Variants in KLHL4 observed in about 807,000 individuals in gnomAD.
The protein encoded by KLHL4 is kelch-like protein 4.
Under a neutral mutation model 45.8 loss-of-function variants are expected in KLHL4, and 17 were observed. That is an observed-to-expected ratio of 0.37 (90% CI 0.25 to 0.56). The LOEUF is 0.56. Ranked by LOEUF, KLHL4 falls within the 20% of genes least tolerant of loss-of-function variation. The probability of loss-of-function intolerance (pLI) is 0.79; values close to 1 mark genes in which losing one functional copy is unlikely to be tolerated. For missense variants in KLHL4, 544 were observed against 544.9 expected, an observed-to-expected ratio of 1.00 and a Z score of 0.02; for synonymous variants, 224 against 189.9, an observed-to-expected ratio of 1.18 and a Z score of -1.47.
At chrX:87,527,905 A>G (rs1931145818) in intron 1 of KLHL4, among the ~76,000 whole-genome samples, 1 of 110,956 alleles carries the variant, frequency 9.0e-6, no homozygotes, top group Admixed American at 9.7e-5. Context: ...CATAATACAT[A>G]CAAAGAAACA....
At chrX:87,561,249 C>T (rs989336429) in intron 1 of KLHL4, among the ~76,000 whole-genome samples, 2 of 110,694 alleles carry the variant, frequency 1.8e-5, no homozygotes, top group Admixed American at 1.9e-4. Context: ...CTGGTTTGAA[C>T]TTCATATCAA....
intron 10 of KLHL4, among the ~76,000 whole-genome samples, chrX:87,665,706 A>G (rs758872906): frequency 2.3e-4 from 26 of 111,513 alleles, no homozygotes; most frequent in African/African-American, 8.1e-4. Flanking sequence ...AAAAAGGCAA[A>G]CCTTGTATTT....
At chrX:87,570,858 G>A (rs1304209640) in intron 1 of KLHL4, among the ~76,000 whole-genome samples, 1 of 110,388 alleles carries the variant, frequency 9.1e-6, no homozygotes, top group South Asian at 3.8e-4. Flanking sequence ...TGGGAGGTAG[G>A]ATTAAATGGA....
At position 87,613,976 on chromosome X, in the gene KLHL4, C is replaced by T. The variant is rs1922469905; in HGVS notation, c.522C>T (p.Asn174=). ...HAEQTLRKME[N]YLKEKQLCDV... ...AGCAAACTCTTCGTAAAATGGAGAA[C>T]TACTTGAAAGAGAAACAACTATGTG... The change falls in exon 2 of 11, where the codon AAC becomes AAT. Residue 174 remains asparagine, a synonymous_variant. Transcript: ENST00000373119. 5.8e-6 allele frequency: 7 copies of T among 1,208,161 alleles called. No individual in the cohort carries two copies. The highest frequency in any genetic ancestry group is 3.5e-5 in the South Asian group (2 of 56,612).
intron 9 of KLHL4, among the ~76,000 whole-genome samples, chrX:87,651,628 T>A (rs1923815645): frequency 8.9e-6 from 1 of 112,479 alleles, no homozygotes; most frequent in Admixed American, 9.4e-5. Context: ...ACAATCACTT[T>A]TGACTCCATG....
In KLHL4 at chrX:87,536,661, A is replaced by G. The variant is rs1362613199; in HGVS notation, c.422+18346A>G. ...ATAGATATTTTCCCTGCATAAAATAATTTTCGTTTGCCATTCTAGCATAGC... is the reference window on the plus strand; with the variant it reads ...ATAGATATTTTCCCTGCATAAAATAGTTTTCGTTTGCCATTCTAGCATAGC... On this transcript the variant is annotated intron_variant, in intron 1 of 10. Transcript: ENST00000373119. Among the ~76,000 whole-genome samples, 40 of 110,752 alleles carry G rather than the reference A, an allele frequency of 3.6e-4. No homozygotes were observed. The Admixed American group carries it at 3.7e-3, about 10-fold the overall frequency.
intron 1 of KLHL4, among the ~76,000 whole-genome samples, chrX:87,604,719 TC>T (rs1253293915): frequency 9.0e-6 from 1 of 111,398 alleles, no homozygotes; most frequent in Non-Finnish European, 1.9e-5. Context: ...TTGAACATTA[TC>T]TTTTCATTTT....
At chrX:87,622,156 T>C in intron 4 of KLHL4, 55 bp from the exon 5 acceptor site, 4 of 775,277 alleles carry the variant, frequency 5.2e-6, no homozygotes, top group Non-Finnish European at 7.8e-6. Flanking sequence ...ATATGCTTAT[T>C]CCATTAAGAA....
intron 6 of KLHL4, among the ~76,000 whole-genome samples, chrX:87,631,715 T>C (rs1435041325): frequency 2.7e-5 from 3 of 111,374 alleles, no homozygotes; most frequent in South Asian, 3.8e-4. Context: ...CCTGGTCCTT[T>C]AGTTACGTGT....
chrX:87,561,253 A>G (rs777036152), intron 1 of KLHL4, among the ~76,000 whole-genome samples: 6 of 110,888 alleles, frequency 5.4e-5, no homozygotes, highest in Non-Finnish European at 9.4e-5. Context: ...TTTGAACTTC[A>G]TATCAAGAAA....
At chrX:87,630,823 G>A (rs1251852184) in intron 6 of KLHL4, among the ~76,000 whole-genome samples, 1 of 111,877 alleles carries the variant, frequency 8.9e-6, no homozygotes, top group Non-Finnish European at 1.9e-5. Flanking sequence ...AATATTTTGT[G>A]CTACTGAAGC....
intron 1 of KLHL4, among the ~76,000 whole-genome samples, chrX:87,529,732 G>A (rs1234200767): frequency 8.9e-6 from 1 of 111,837 alleles, no homozygotes; most frequent in African/African-American, 3.2e-5. Flanking sequence ...AAGATTTGGA[G>A]ACATAAAACC....
chrX:87,527,299 C>A (rs1931131411), intron 1 of KLHL4, among the ~76,000 whole-genome samples: 2 of 111,609 alleles, frequency 1.8e-5, no homozygotes, highest in Admixed American at 1.9e-4. Flanking sequence ...ATAGCACCAT[C>A]TTGAAACTGG....
intron 8 of KLHL4, 59 bp from the exon 9 acceptor site, chrX:87,635,504 T>TA: frequency 1.1e-6 from 1 of 902,132 alleles, no homozygotes; most frequent in Non-Finnish European, 1.6e-6. Context: ...ATGCATGCAT[T>TA]TTGTGTGTAT....
At chrX:87,576,677 G>T (rs1451917559) in intron 1 of KLHL4, among the ~76,000 whole-genome samples, 9 of 111,034 alleles carry the variant, frequency 8.1e-5, no homozygotes, top group African/African-American at 2.6e-4. Context: ...TTGTAATGTG[G>T]CTATCCTGTT....
intron 1 of KLHL4, among the ~76,000 whole-genome samples, chrX:87,563,311 A>T (rs948401418): frequency 9.1e-6 from 1 of 110,192 alleles, no homozygotes; most frequent in African/African-American, 3.3e-5. Flanking sequence ...GACAACAATG[A>T]TCAATCCAGG....
chrX:87,599,781 A>G (rs1247808122), intron 1 of KLHL4, among the ~76,000 whole-genome samples: 1 of 111,609 alleles, frequency 9.0e-6, no homozygotes, highest in African/African-American at 3.3e-5. Flanking sequence ...CACCACTACT[A>G]CCTCTCTCAC....
chrX:87,595,358 T>G (rs1323609383), intron 1 of KLHL4, among the ~76,000 whole-genome samples: 4 of 112,200 alleles, frequency 3.6e-5, no homozygotes, highest in African/African-American at 1.3e-4. Context: ...TCTGACAATC[T>G]ACCATGCACA....
At chrX:87,549,064 A>C (rs889490995) in intron 1 of KLHL4, among the ~76,000 whole-genome samples, 1 of 110,788 alleles carries the variant, frequency 9.0e-6, no homozygotes, top group Non-Finnish European at 1.9e-5. Flanking sequence ...GACTGAAAAT[A>C]AAGGGATAGA....
Sources: gnomAD v4.1 joint callset for allele counts (sites outside exome capture counted in the v4.1 genomes callset) on GRCh38, gnomAD v4.1.1 for gene constraint, MANE v1.5 for transcripts, NCBI Gene and HGNC (gene_info 2026-07-23, HGNC 2026-07-21) for gene names.